Variants in VAV2 observed in about 807,000 individuals in gnomAD.
VAV2 encodes the protein vav guanine nucleotide exchange factor 2, also known as guanine nucleotide exchange factor VAV2.
In VAV2, 67 loss-of-function variants were observed where a neutral mutation model predicts 132.5. The observed-to-expected ratio is 0.51, with a 90% CI of 0.42 to 0.62. The LOEUF (loss-of-function observed/expected upper bound fraction) is 0.62. Ranked by LOEUF, VAV2 falls within the 20% of genes least tolerant of loss-of-function variation. The probability of loss-of-function intolerance (pLI) is 0.00; values close to 1 mark genes in which losing one functional copy is unlikely to be tolerated. For synonymous variants in VAV2, 492 were observed against 443.5 expected, an observed-to-expected ratio of 1.11 and a Z score of -1.37; for missense variants, 938 against 1,153.6, an observed-to-expected ratio of 0.81 and a Z score of 2.71.
At chr9:133,947,134 C>T (rs1157546039) in intron 1 of VAV2, among the ~76,000 whole-genome samples, 2 of 152,194 alleles carry the variant, frequency 1.3e-5, no homozygotes, top group Non-Finnish European at 2.9e-5. Context: ...ACGTCAGGGG[C>T]CCCCAAGGAC....
rs191788182 is a variant in VAV2, at chr9:133,946,081, G to A, written c.205-6862C>T. ...ATTGGTCACTGGGAGAGCTGGCAGG[G>A]GGGTTGGGGTGCCACAGTTAGCTGG... On this transcript the variant is annotated intron_variant, in intron 1 of 29. Transcript: ENST00000371850. Among the ~76,000 whole-genome samples, 355 of 152,372 alleles carry A rather than the reference G, an allele frequency of 2.3e-3. 1 individual carries two copies. The highest frequency in any genetic ancestry group is 4.2e-3 in the Admixed American group (65 of 15,310).
At chr9:133,901,177 C>G (rs192388257) in intron 2 of VAV2, among the ~76,000 whole-genome samples, 1 of 152,312 alleles carries the variant, frequency 6.6e-6, no homozygotes, top group Admixed American at 6.5e-5. Context: ...TATTGAAAAC[C>G]ATGGCCCAGT....
chr9:133,777,647 C>G (rs1056453975), intron 22 of VAV2, among the ~76,000 whole-genome samples, 184 bp from the exon 23 acceptor site: 2 of 152,084 alleles, frequency 1.3e-5, no homozygotes, highest in Non-Finnish European at 2.9e-5. Flanking sequence ...GGCCTCCCAC[C>G]CTAGACATGA....
At chr9:133,982,202 C>T (rs984077751) in intron 1 of VAV2, among the ~76,000 whole-genome samples, 2 of 152,198 alleles carry the variant, frequency 1.3e-5, no homozygotes, top group Non-Finnish European at 2.9e-5. Flanking sequence ...CTGGGAGGCA[C>T]AGGAAGGTGG....
At chr9:133,786,362 T>C (rs934771007) in intron 16 of VAV2, among the ~76,000 whole-genome samples, 1 of 106,026 alleles carries the variant, frequency 9.4e-6, no homozygotes, top group African/African-American at 3.8e-5. Context: ...GTGGGTGCTC[T>C]CCTGTGTGTG....
At chr9:133,871,219 G>A (rs1838023524) in intron 2 of VAV2, among the ~76,000 whole-genome samples, 1 of 147,636 alleles carries the variant, frequency 6.8e-6, no homozygotes, top group Admixed American at 6.7e-5. Flanking sequence ...TGGATAAGTG[G>A]GTACGTAGGT....
intron 1 of VAV2, among the ~76,000 whole-genome samples, chr9:133,942,210 G>A (rs946848933): frequency 2.0e-5 from 3 of 152,230 alleles, no homozygotes; most frequent in Non-Finnish European, 4.4e-5. Flanking sequence ...ACAGACCCAC[G>A]AGGAGTGCAT....
chr9:133,893,745 T>G (rs943129374), intron 2 of VAV2, among the ~76,000 whole-genome samples: 7 of 152,104 alleles, frequency 4.6e-5, no homozygotes, highest in South Asian at 2.1e-4. Context: ...GGACGGTGAT[T>G]CCACCCACAG....
intron 2 of VAV2, among the ~76,000 whole-genome samples, chr9:133,880,844 G>A (rs551911657): frequency 6.6e-6 from 1 of 152,380 alleles, no homozygotes; most frequent in Admixed American, 6.5e-5. Context: ...CCCTTTGGCA[G>A]GTCAGGTGGG....
chr9:133,986,389 C>CA (rs746918954), intron 1 of VAV2, among the ~76,000 whole-genome samples: 1 of 152,214 alleles, frequency 6.6e-6, no homozygotes, highest in Non-Finnish European at 1.5e-5. Flanking sequence ...CCCAGGTTGA[C>CA]AGAGGGGGAC....
rs1220883003 is a variant in VAV2, at chr9:133,807,275, C to G, written c.718G>C (p.Val240Leu). Residue 240 changes from valine (V) to leucine (L), a missense_variant, in exon 8 of 30, where the codon GTC becomes CTC. By Grantham distance (32) the Val-to-Leu change is conservative (BLOSUM62 1). Coordinates refer to ENST00000371850, the MANE Select transcript of VAV2 (RefSeq NM_001134398.2). ...ACCCTTACCTCCAGGTTAATGAAGA[C>G]AGCTGCCATGTCCGCCGGGCTCAGC... is the stretch of plus-strand genomic sequence containing the variant. ...LVLSPADMAA[V>L]FINLEDLIKV... 1 of 1,611,008 alleles carries G rather than the reference C, an allele frequency of 6.2e-7. No homozygotes were observed. Among genetic ancestry groups the G allele is most frequent in the Admixed American group, 1.7e-5 (1 of 59,838 alleles).
chr9:133,901,375 T>A (rs966683605), intron 2 of VAV2, among the ~76,000 whole-genome samples: 6 of 151,892 alleles, frequency 4.0e-5, no homozygotes, highest in Admixed American at 1.3e-4. Flanking sequence ...TGAGGCAGAG[T>A]AAAGATGGCT....
chr9:133,844,262 C>T (rs1025870353), intron 3 of VAV2, among the ~76,000 whole-genome samples: 2 of 152,212 alleles, frequency 1.3e-5, no homozygotes, highest in African/African-American at 4.8e-5. Context: ...CGTAAGGGAA[C>T]CTCGGCTGGC....
chr9:133,878,770 A>G, intron 2 of VAV2, among the ~76,000 whole-genome samples: 1 of 152,196 alleles, frequency 6.6e-6, no homozygotes, highest in Non-Finnish European at 1.5e-5. Context: ...GTCCCGATCC[A>G]GCCAGTGGGT....
At chr9:133,950,604 G>A (rs1841526578) in intron 1 of VAV2, among the ~76,000 whole-genome samples, 1 of 152,198 alleles carries the variant, frequency 6.6e-6, no homozygotes, top group African/African-American at 2.4e-5. Flanking sequence ...TGCTTTTCTA[G>A]TATTTCTCTT....
At chr9:133,861,805 T>C (rs1316983588) in intron 2 of VAV2, among the ~76,000 whole-genome samples, 1 of 152,160 alleles carries the variant, frequency 6.6e-6, no homozygotes, top group East Asian at 1.9e-4. Flanking sequence ...AGGTACCATA[T>C]TACTAAGTAC....
intron 29 of VAV2, 21 bp from the exon 30 acceptor site, chr9:133,764,130 G>GT: frequency 6.3e-7 from 1 of 1,585,978 alleles, no homozygotes. Flanking sequence ...TGGTAAGATC[G>GT]TGTCTGTGTG....
At chr9:133,830,707 T>G (rs1836228790) in intron 4 of VAV2, among the ~76,000 whole-genome samples, 2 of 152,164 alleles carry the variant, frequency 1.3e-5, no homozygotes. Context: ...GCTTTGAAAA[T>G]TCACAACTAC....
At position 133,928,015 on chromosome 9, in the gene VAV2, A is replaced by G. The variant is rs1391233813; in HGVS notation, c.321+11088T>C. 1 of 152,122 alleles carries G rather than the reference A, an allele frequency of 6.6e-6. No individual in the cohort carries two copies. The highest frequency in any genetic ancestry group is 1.9e-4 in the East Asian group (1 of 5,140). 9.4% of individuals were successfully genotyped at this position (152,122 alleles called of 1,614,324 possible). ...CAGGCACGCAGCTCATCAGACCTGTAGGGACTCGGCTACCAAAATTGAACC... is the reference window on the plus strand; with the variant it reads ...CAGGCACGCAGCTCATCAGACCTGTGGGGACTCGGCTACCAAAATTGAACC... On this transcript the variant is annotated intron_variant, in intron 2 of 29. Transcript: ENST00000371850. This position sits in a 1 kb window ranked among gnomAD's most constrained non-coding sequence, Gnocchi z 5.4.
Sources: gnomAD v4.1 joint callset for allele counts (sites outside exome capture counted in the v4.1 genomes callset) on GRCh38, gnomAD v4.1.1 for gene constraint, Gnocchi (gnomAD v3.1) non-coding constraint, MANE v1.5 for transcripts, NCBI Gene and HGNC (gene_info 2026-07-23, HGNC 2026-07-21) for gene names.